ITGA9: variants seen among roughly 807,000 people sequenced by gnomAD.
The protein encoded by ITGA9 is integrin subunit alpha 9.
Under a neutral mutation model 127.8 loss-of-function variants are expected in ITGA9, and 56 were observed. The observed-to-expected ratio is 0.44, with a 90% CI of 0.35 to 0.55. ITGA9 has a LOEUF of 0.55. Ranked by LOEUF, ITGA9 falls within the 20% of genes least tolerant of loss-of-function variation. The probability of loss-of-function intolerance (pLI) is 0.00; values close to 1 mark genes in which losing one functional copy is unlikely to be tolerated. For missense variants in ITGA9, 1,196 were observed against 1,347.1 expected (o/e 0.89, Z 1.76); for synonymous variants, 508 against 514.5 (o/e 0.99, Z 0.17).
chr3:37,700,536 A>T (rs546871224), intron 18 of ITGA9, among the ~76,000 whole-genome samples: 1 of 151,634 alleles, frequency 6.6e-6, no homozygotes, highest in Admixed American at 6.6e-5. Context: ...TTCTGTAGAG[A>T]TGGGGGTTTT....
intron 22 of ITGA9, among the ~76,000 whole-genome samples, chr3:37,746,120 A>G (rs1475277782): frequency 1.3e-5 from 2 of 152,268 alleles, no homozygotes; most frequent in South Asian, 2.1e-4. Context: ...GGCAGTGATA[A>G]TGACCAGAAG....
In ITGA9 at chr3:37,818,948, G is replaced by A. The variant is rs1697476738; in HGVS notation, c.3067G>A (p.Glu1023Lys). 6.2e-7 allele frequency: 1 copy of A among 1,614,206 alleles called. No homozygotes were observed. Among genetic ancestry groups the A allele is most frequent in the Non-Finnish European group, 8.5e-7 (1 of 1,180,020 alleles). Reference sequence around the variant, plus strand: ...TATCGAAGCTGAGAAGAACCGGAAAGAGAATGAAGACAGTTGGGACTGGGT... The same window carrying A: ...TATCGAAGCTGAGAAGAACCGGAAAAAGAATGAAGACAGTTGGGACTGGGT... ...EIIEAEKNRK[E>K]NEDSWDWVQK... Residue 1023 changes from glutamate to lysine, a missense_variant, in exon 28 of 28, where the codon GAG becomes AAG. Glu to Lys is a moderately conservative substitution (Grantham distance 56, BLOSUM62 1). Coordinates refer to ENST00000264741, the MANE Select transcript of ITGA9 (RefSeq NM_002207.3).
At chr3:37,657,072 G>T (rs1700486115) in intron 17 of ITGA9, among the ~76,000 whole-genome samples, 1 of 152,122 alleles carries the variant, frequency 6.6e-6, no homozygotes, top group Non-Finnish European at 1.5e-5. Flanking sequence ...ACTTTTTGAT[G>T]TGCGGCTGGA....
intron 15 of ITGA9, among the ~76,000 whole-genome samples, chr3:37,548,850 G>T (rs1338506895): frequency 6.6e-6 from 1 of 152,250 alleles, no homozygotes; most frequent in Non-Finnish European, 1.5e-5. Context: ...TTGGCTTTGT[G>T]CCCTTGGCAG....
intron 27 of ITGA9, 55 bp downstream of exon 27, chr3:37,803,997 C>T (rs1697265741): frequency 6.2e-7 from 1 of 1,613,200 alleles, no homozygotes; most frequent in African/African-American, 1.3e-5. Flanking sequence ...ATGCCCAGCT[C>T]TCCTGCCTTT....
chr3:37,505,877 T>C (rs1275447510), intron 6 of ITGA9, 123 bp from the exon 7 acceptor site: 7 of 759,132 alleles, frequency 9.2e-6, no homozygotes, highest in East Asian at 2.7e-5. Context: ...GCCATTTTTT[T>C]CCTGGTAGTT....
intron 15 of ITGA9, among the ~76,000 whole-genome samples, chr3:37,613,103 T>TCC (rs1421317438): frequency 6.6e-6 from 1 of 151,932 alleles, no homozygotes; most frequent in Non-Finnish European, 1.5e-5. Flanking sequence ...CCTAATGCTA[T>TCC]CCCTCCCCCA....
chr3:37,793,132 T>C (rs1169468078), intron 26 of ITGA9, among the ~76,000 whole-genome samples: 2 of 152,010 alleles, frequency 1.3e-5, no homozygotes, highest in African/African-American at 4.8e-5. Context: ...TTATTATTTT[T>C]AGGCAACAGA....
chr3:37,540,096 A>G (rs942392605), intron 14 of ITGA9, among the ~76,000 whole-genome samples: 19 of 152,202 alleles, frequency 1.2e-4, no homozygotes, highest in African/African-American at 4.6e-4. Flanking sequence ...CATCAGTTCC[A>G]TCTTCCTGTG....
intron 8 of ITGA9, among the ~76,000 whole-genome samples, chr3:37,512,971 C>G (rs1035510536): frequency 6.6e-6 from 1 of 152,160 alleles, no homozygotes; most frequent in African/African-American, 2.4e-5. Context: ...TTGCTCTGTT[C>G]CCTCATCAGT....
At chr3:37,496,816 C>T (rs1021785310) in intron 5 of ITGA9, among the ~76,000 whole-genome samples, 3 of 152,188 alleles carry the variant, frequency 2.0e-5, no homozygotes, top group African/African-American at 7.2e-5. Context: ...TGGCATTGCA[C>T]TGGAGATCCA....
At chr3:37,657,679 T>C (rs914000427) in intron 17 of ITGA9, among the ~76,000 whole-genome samples, 1 of 151,856 alleles carries the variant, frequency 6.6e-6, no homozygotes, top group Admixed American at 6.6e-5. Context: ...GGGTTTTTCA[T>C]GTCTCTATCT....
chr3:37,472,402 T>C (rs933777174), intron 2 of ITGA9, among the ~76,000 whole-genome samples: 3 of 152,210 alleles, frequency 2.0e-5, no homozygotes, highest in African/African-American at 4.8e-5. Context: ...GTTTTTTGTT[T>C]GTTTGTTTGT....
chr3:37,615,710 G>A (rs1374733872), intron 15 of ITGA9, among the ~76,000 whole-genome samples: 1 of 152,076 alleles, frequency 6.6e-6, no homozygotes, highest in East Asian at 1.9e-4. Flanking sequence ...TGTATGTGTC[G>A]AGGAATGTAT....
chr3:37,685,841 C>T (rs985636400), intron 18 of ITGA9, among the ~76,000 whole-genome samples: 2 of 152,200 alleles, frequency 1.3e-5, no homozygotes, highest in African/African-American at 4.8e-5. Flanking sequence ...GCTGACCCCA[C>T]TCTGTCAGTA....
intron 13 of ITGA9, among the ~76,000 whole-genome samples, chr3:37,528,592 TC>T (rs1396908612): frequency 6.6e-6 from 1 of 152,126 alleles, no homozygotes; most frequent in Non-Finnish European, 1.5e-5. Flanking sequence ...ATGCATCAGA[TC>T]CTGGGGATTT....
intron 18 of ITGA9, among the ~76,000 whole-genome samples, chr3:37,718,549 C>G (rs1701158078): frequency 6.6e-6 from 1 of 152,142 alleles, no homozygotes; most frequent in Admixed American, 6.5e-5. Flanking sequence ...CTCTTGGGAC[C>G]AGTGTTTCAA....
chr3:37,641,307 G>T (rs184450712), intron 16 of ITGA9, among the ~76,000 whole-genome samples: 1 of 152,096 alleles, frequency 6.6e-6, no homozygotes, highest in South Asian at 2.1e-4. Flanking sequence ...CCCCTCCACC[G>T]CCCGTTCATG....
At chr3:37,527,697 A>T (rs1699107261) in intron 13 of ITGA9, among the ~76,000 whole-genome samples, 1 of 152,104 alleles carries the variant, frequency 6.6e-6, no homozygotes, top group Non-Finnish European at 1.5e-5. Flanking sequence ...TCTCTTCATT[A>T]TCCTGAGCAT....
Sources: allele counts gnomAD v4.1 joint callset (sites outside exome capture counted in the v4.1 genomes callset), GRCh38; gene constraint gnomAD v4.1.1; transcripts MANE v1.5; gene names NCBI Gene and HGNC (gene_info 2026-07-23, HGNC 2026-07-21).